Variants in CSMD1 observed in about 807,000 individuals in gnomAD.
The protein encoded by CSMD1 is CUB and sushi domain-containing protein 1.
CSMD1 carries 213 observed loss-of-function variants against 417.5 expected under a neutral mutation model. The ratio of observed to expected loss-of-function variants is 0.51; its 90% CI spans 0.46 to 0.57. The LOEUF is 0.57. Among genes scored for constraint, CSMD1 ranks in the 20% least tolerant of loss-of-function variants. The probability of loss-of-function intolerance (pLI) is 0.00; values close to 1 mark genes in which losing one functional copy is unlikely to be tolerated. For missense variants in CSMD1, 6,923 were observed against 4,529.7 expected (o/e 1.53, Z -15.17); for synonymous variants, 2,862 against 1,736.8 (o/e 1.65, Z -16.11).
chr8:4,312,035 G>A (rs572553732), intron 3 of CSMD1, among the ~76,000 whole-genome samples: 1 of 152,238 alleles, frequency 6.6e-6, no homozygotes, highest in Admixed American at 6.5e-5. Context: ...ATAGTGTGTT[G>A]AAATCATTGT....
chr8:3,040,537 G>C (rs777436500), intron 50 of CSMD1, among the ~76,000 whole-genome samples: 1 of 151,682 alleles, frequency 6.6e-6, no homozygotes, highest in Non-Finnish European at 1.5e-5. Flanking sequence ...GGGCACGGTG[G>C]CTCATGCCTG....
chr8:3,643,593 C>A lies in CSMD1; in HGVS notation c.1010-26796G>T, dbSNP rs532334429. On this transcript the variant is annotated intron_variant, in intron 7 of 69. Coordinates refer to ENST00000635120, the MANE Select transcript of CSMD1 (RefSeq NM_033225.6). Reference sequence around the variant, plus strand: ...GCGGGCGCCTGTAGTCCCAACTACCCGGGCGGCTGAGGCAGGAGAATGGCG... The same window carrying A: ...GCGGGCGCCTGTAGTCCCAACTACCAGGGCGGCTGAGGCAGGAGAATGGCG... Among the ~76,000 whole-genome samples, 3 of 150,316 alleles carry A rather than the reference C, an allele frequency of 2.0e-5. No individual in the cohort carries two copies. In the East Asian group the frequency reaches 5.9e-4, roughly 30 times the overall value.
intron 5 of CSMD1, among the ~76,000 whole-genome samples, chr8:3,931,498 G>T (rs947670345): frequency 1.3e-5 from 2 of 150,180 alleles, no homozygotes; most frequent in Non-Finnish European, 3.0e-5. Flanking sequence ...AGGCATAAAA[G>T]CTCATACTTT....
intron 1 of CSMD1, among the ~76,000 whole-genome samples, chr8:4,736,690 G>A (rs951208440): frequency 3.3e-5 from 5 of 152,092 alleles, no homozygotes; most frequent in Non-Finnish European, 7.4e-5. Context: ...TAAATCGCAG[G>A]AAAAAGAATA....
intron 1 of CSMD1, among the ~76,000 whole-genome samples, chr8:4,839,026 G>A (rs1314990606): frequency 6.6e-6 from 1 of 152,176 alleles, no homozygotes; most frequent in Non-Finnish European, 1.5e-5. Flanking sequence ...GGTTTTGCCA[G>A]TATAACTTTT....
chr8:4,893,949 C>A (rs570556178), intron 1 of CSMD1, among the ~76,000 whole-genome samples: 11 of 152,072 alleles, frequency 7.2e-5, no homozygotes, highest in East Asian at 5.8e-4. Context: ...TGTTGTAAAG[C>A]TTTTTGTCTT....
At chr8:3,232,022 C>G (rs1365173159) in intron 26 of CSMD1, among the ~76,000 whole-genome samples, 5 of 152,148 alleles carry the variant, frequency 3.3e-5, no homozygotes, top group African/African-American at 1.2e-4. Flanking sequence ...ATGTGTGTAT[C>G]TATAACACAA....
At position 3,943,653 on chromosome 8, in the gene CSMD1, G is replaced by T. The variant is rs184863573; in HGVS notation, c.818+54250C>A. On this transcript the variant is annotated intron_variant, in intron 5 of 69. Transcript: ENST00000635120. ...TCAAAGTTACTATCACAATTAATAG[G>T]ACAAGTCAACAGGGGTCCCCTGCTA... Among the ~76,000 whole-genome samples the T allele has an allele frequency of 2.3e-4, 35 of 152,088 alleles. No individual in the cohort carries two copies. In the East Asian group the frequency reaches 6.2e-3, roughly 27 times the overall value.
At chr8:4,374,332 T>G (rs1221914397) in intron 3 of CSMD1, among the ~76,000 whole-genome samples, 2 of 152,300 alleles carry the variant, frequency 1.3e-5, no homozygotes, top group Admixed American at 1.3e-4. Context: ...AATGTAATCT[T>G]TTTCTTTATT....
chr8:3,418,673 C>A (rs893411785), intron 12 of CSMD1, among the ~76,000 whole-genome samples: 1 of 152,058 alleles, frequency 6.6e-6, no homozygotes. Context: ...TCCAGTGATC[C>A]CACTGCCCTG....
chr8:4,877,736 T>C (rs1250820869), intron 1 of CSMD1, among the ~76,000 whole-genome samples: 1 of 152,130 alleles, frequency 6.6e-6, no homozygotes, highest in East Asian at 1.9e-4. Flanking sequence ...ACAGACTATG[T>C]GTTTGCACTT....
intron 8 of CSMD1, among the ~76,000 whole-genome samples, chr8:3,591,700 T>C (rs1800853560): frequency 1.3e-5 from 2 of 152,008 alleles, no homozygotes; most frequent in Admixed American, 6.6e-5. Context: ...AGATGATTGA[T>C]AGATAGATAG....
intron 5 of CSMD1, among the ~76,000 whole-genome samples, chr8:3,815,771 C>T (rs535814199): frequency 1.3e-5 from 2 of 151,966 alleles, no homozygotes; most frequent in African/African-American, 4.8e-5. Flanking sequence ...CCACATTGTT[C>T]ATTTGATCTA....
At chr8:4,623,863 C>A (rs1019919268) in intron 2 of CSMD1, among the ~76,000 whole-genome samples, 5 of 151,940 alleles carry the variant, frequency 3.3e-5, no homozygotes, top group African/African-American at 4.8e-5. Flanking sequence ...GATGGATGAC[C>A]GGGGTCACAA....
chr8:4,535,072 T>C (rs2130482752), intron 2 of CSMD1, among the ~76,000 whole-genome samples: 1 of 152,300 alleles, frequency 6.6e-6, no homozygotes, highest in East Asian at 1.9e-4. Flanking sequence ...ATTTATTTCT[T>C]TATGTGTTTT....
chr8:3,633,260 G>A (rs897918587), intron 7 of CSMD1, among the ~76,000 whole-genome samples: 1 of 152,152 alleles, frequency 6.6e-6, no homozygotes, highest in Admixed American at 6.5e-5. Flanking sequence ...CTCTGACACT[G>A]AGAAGTACCA....
At chr8:3,230,768 A>G (rs1798789951) in intron 26 of CSMD1, among the ~76,000 whole-genome samples, 1 of 152,200 alleles carries the variant, frequency 6.6e-6, no homozygotes, top group African/African-American at 2.4e-5. Context: ...CGGCAAAATT[A>G]TTAATAACCC....
At chr8:4,665,547 C>T (rs1804869400) in intron 1 of CSMD1, among the ~76,000 whole-genome samples, 1 of 152,154 alleles carries the variant, frequency 6.6e-6, no homozygotes, top group Non-Finnish European at 1.5e-5. Flanking sequence ...AGCTGGTTAT[C>T]AGTGATATGA....
At chr8:4,025,524 A>G (rs193271750) in intron 4 of CSMD1, among the ~76,000 whole-genome samples, 80 of 152,344 alleles carry the variant, frequency 5.3e-4, no homozygotes, top group African/African-American at 1.8e-3. Context: ...GAAACTATCT[A>G]GCTGCTTCTT....
Sources: gnomAD v4.1 joint callset for allele counts (sites outside exome capture counted in the v4.1 genomes callset) on GRCh38, gnomAD v4.1.1 for gene constraint, MANE v1.5 for transcripts, NCBI Gene and HGNC (gene_info 2026-07-23, HGNC 2026-07-21) for gene names.